The following MMS19 variants were observed in gnomAD, a reference collection of about 807,000 sequenced individuals.
The protein encoded by MMS19 is MMS19 nucleotide excision repair protein homolog.
A neutral mutation model predicts 129.8 loss-of-function variants in MMS19; 77 were observed. The observed-to-expected ratio is 0.59, with a 90% CI of 0.49 to 0.72. MMS19 has a LOEUF of 0.72. MMS19 is among the 30% of genes least tolerant of loss of function. MMS19 has a pLI of 0.00. For synonymous variants in MMS19, 491 were observed against 502.8 expected, an observed-to-expected ratio of 0.98 and a Z score of 0.31; for missense variants, 1,168 against 1,266.3, an observed-to-expected ratio of 0.92 and a Z score of 1.18.
intron 10 of MMS19, 101 bp from the exon 11 acceptor site, chr10:97,469,824 C>T (rs1411358610): frequency 1.1e-6 from 1 of 937,176 alleles, no homozygotes; most frequent in Non-Finnish European, 1.7e-6. Context: ...CTGGTCTCAG[C>T]AGAAAAACCA....
chr10:97,494,417 C>G (rs756051740), intron 1 of MMS19, among the ~76,000 whole-genome samples: 1 of 152,110 alleles, frequency 6.6e-6, no homozygotes, highest in Non-Finnish European at 1.5e-5. Context: ...TGAGGGGAAG[C>G]GGGTAGGGTG....
At chr10:97,464,351 G>T (rs1286688534) in intron 18 of MMS19, among the ~76,000 whole-genome samples, 4 of 152,208 alleles carry the variant, frequency 2.6e-5, no homozygotes, top group Non-Finnish European at 5.9e-5. Flanking sequence ...AGGGTCACAG[G>T]AAGTGCAAAG....
At chr10:97,480,718 C>A (rs1006586959) in intron 3 of MMS19, among the ~76,000 whole-genome samples, 1 of 152,102 alleles carries the variant, frequency 6.6e-6, no homozygotes, top group African/African-American at 2.4e-5. Flanking sequence ...TAGCTGCAGG[C>A]GCCCAACACC....
chr10:97,491,462 C>A (rs754991592), intron 1 of MMS19, among the ~76,000 whole-genome samples: 3 of 151,396 alleles, frequency 2.0e-5, no homozygotes, highest in Non-Finnish European at 4.4e-5. Context: ...GTCAGGAGAT[C>A]GAGACCAGTC....
In MMS19 at chr10:97,478,284, T is replaced by C. The variant is rs1030741604; in HGVS notation, c.348+20A>G. 1 of 1,568,368 alleles carries C rather than the reference T, an allele frequency of 6.4e-7. No homozygotes were observed. The highest frequency in any genetic ancestry group is 1.4e-5 in the African/African-American group (1 of 73,884). ...GGCTCCCTTGAACAAAGTTATGTAA[T>C]GAAATGAAGGAAAACTCACAAGTGC... On this transcript the variant is annotated intron_variant, in intron 4 of 30. Transcript: ENST00000438925.
rs368791136 is a variant in MMS19, at chr10:97,460,194, T to G, written c.2508A>C (p.Ala836=). 8 of 1,613,828 alleles carry G rather than the reference T, an allele frequency of 5.0e-6. No homozygotes were observed. The African/African-American group carries it at 9.3e-5, about 19-fold the overall frequency. Residue 836 remains alanine, a synonymous_variant, in exon 26 of 31, where the codon GCA becomes GCC. Coordinates refer to ENST00000438925, the MANE Select transcript of MMS19 (RefSeq NM_022362.5). ...GLLSDPELGP[A]AADGFSLLMS... ...TGAGCAGAGAGAAGCCATCAGCTGC[T>G]GCTGGACCTAATTCTGGGTCACTCA...
chr10:97,495,489 G>C (rs962609516), intron 1 of MMS19, among the ~76,000 whole-genome samples: 1 of 152,198 alleles, frequency 6.6e-6, no homozygotes, highest in Non-Finnish European at 1.5e-5. Context: ...CGCTAACAAA[G>C]CTTGATTTAG....
At chr10:97,486,862 C>CATATATATATATATATATAT (rs148575472) in intron 1 of MMS19, among the ~76,000 whole-genome samples, 1,245 of 84,484 alleles carry the variant, frequency 0.015, 52 homozygotes, top group Non-Finnish European at 0.02. Context: ...ATTAAAGTGC[C>CATATATATATATATATATAT]ATATATATAT....
rs1174679441 is a variant in MMS19 at position 97,459,534 on chromosome 10, G to GC, written c.2740-9dup. The GC allele has an allele frequency of 4.3e-6, 7 of 1,611,422 alleles. No individual in the cohort carries two copies. Among genetic ancestry groups the GC allele is most frequent in the Non-Finnish European group, 5.1e-6 (6 of 1,178,168 alleles). The stretch of plus-strand genomic sequence containing the variant: ...CAGCAGCAAGGAAAGAAGCTAAGGG[G>GC]CAATGGGCAAGGTAGGGGATGGCCA... On this transcript the variant is annotated splice_polypyrimidine_tract_variant and intron_variant, in intron 27 of 30. Transcript: ENST00000438925.
chr10:97,461,280 C>T, intron 23 of MMS19: 2 of 629,096 alleles, frequency 3.2e-6, no homozygotes, highest in Non-Finnish European at 2.7e-6. Context: ...CAGAACTAGA[C>T]TCTTTGTGCT....
At chr10:97,497,035 G>A (rs866200315) in intron 1 of MMS19, among the ~76,000 whole-genome samples, 4 of 152,202 alleles carry the variant, frequency 2.6e-5, no homozygotes, top group South Asian at 4.1e-4. Context: ...CACTGTACTT[G>A]TAAATTGTAA....
chr10:97,476,601 GT>G, intron 8 of MMS19, 81 bp downstream of exon 8: 1 of 1,327,350 alleles, frequency 7.5e-7, no homozygotes, highest in Non-Finnish European at 1.1e-6. Context: ...TTGGTGACCT[GT>G]ACCCTCAGTG....
At chr10:97,480,440 T>A (rs1166447188) in intron 3 of MMS19, 1 of 391,422 alleles carries the variant, frequency 2.6e-6, no homozygotes, top group East Asian at 7.1e-5. Context: ...ATAAATAAGT[T>A]GTTGTCCTTT....
chr10:97,481,045 A>AG lies in MMS19; in HGVS notation c.162-4dup, dbSNP rs2036700595. On this transcript the variant is annotated splice_region_variant and splice_polypyrimidine_tract_variant and intron_variant, in intron 2 of 30. Coordinates refer to ENST00000438925, the MANE Select transcript of MMS19 (RefSeq NM_022362.5). ...GTTCTGGATTCTCTAGAGAGGACCT[A>AG]GGGGAAAACAGGATAGAGAGAACCT... The AG allele has an allele frequency of 1.3e-6, 2 of 1,540,790 alleles. No homozygotes were observed. Among genetic ancestry groups the AG allele is most frequent in the Non-Finnish European group, 1.8e-6 (2 of 1,118,538 alleles).
In MMS19 at chr10:97,498,384, T is replaced by TA; in HGVS notation, c.-1dup. Reference sequence around the variant, plus strand: ...GCCTCCACAGCCGCGGCAGCGGCCATAACGCGAACTAGAGACCGTGGGAGG... The same window carrying TA: ...GCCTCCACAGCCGCGGCAGCGGCCATAAACGCGAACTAGAGACCGTGGGAGG... On this transcript the variant is annotated 5_prime_UTR_variant, in exon 1 of 31. Transcript: ENST00000438925. 6.3e-7 allele frequency: 1 copy of TA among 1,580,394 alleles called. No homozygotes were observed. Among genetic ancestry groups the TA allele is most frequent in the East Asian group, 2.3e-5 (1 of 43,540 alleles).
At chr10:97,470,297 G>T in intron 9 of MMS19, 94 bp from the exon 10 acceptor site, 1 of 846,648 alleles carries the variant, frequency 1.2e-6, no homozygotes. Flanking sequence ...CCTAAAAGCA[G>T]GTACTACATC....
chr10:97,479,897 T>G, intron 3 of MMS19, among the ~76,000 whole-genome samples: 1 of 152,070 alleles, frequency 6.6e-6, no homozygotes, highest in African/African-American at 2.4e-5. Flanking sequence ...TTGGGAAGTT[T>G]TTGTTTTTAA....
At chr10:97,473,666 A>G (rs2035196996) in intron 8 of MMS19, among the ~76,000 whole-genome samples, 1 of 152,098 alleles carries the variant, frequency 6.6e-6, no homozygotes, top group African/African-American at 2.4e-5. Context: ...TAATGTTTGA[A>G]ACAAACCAAA....
At chr10:97,484,564 A>T (rs2037473886) in intron 1 of MMS19, among the ~76,000 whole-genome samples, 1 of 152,184 alleles carries the variant, frequency 6.6e-6, no homozygotes, top group African/African-American at 2.4e-5. Flanking sequence ...AACCAAAAAA[A>T]TACCTGGATA....
Sources: gnomAD v4.1 joint callset for allele counts (sites outside exome capture counted in the v4.1 genomes callset) on GRCh38, gnomAD v4.1.1 for gene constraint, MANE v1.5 for transcripts, NCBI Gene and HGNC (gene_info 2026-07-23, HGNC 2026-07-21) for gene names.